The following ROCK2 variants were observed in gnomAD, a reference collection of about 807,000 sequenced individuals.
The protein encoded by ROCK2 is Rho associated coiled-coil containing protein kinase 2.
A neutral mutation model predicts 195.1 loss-of-function variants in ROCK2; 61 were observed. That is an observed-to-expected ratio of 0.31 (90% CI 0.25 to 0.39). ROCK2 has a LOEUF of 0.39. ROCK2 is among the 10% of genes least tolerant of loss of function. The pLI, the probability that ROCK2 is intolerant of heterozygous loss-of-function variation, is 1.00. For missense variants in ROCK2, 1,109 were observed against 1,637.4 expected, an observed-to-expected ratio of 0.68 and a Z score of 5.57; for synonymous variants, 504 against 545.5, an observed-to-expected ratio of 0.92 and a Z score of 1.06.
chr2:11,266,095 C>G (rs899720037), intron 3 of ROCK2, among the ~76,000 whole-genome samples: 41 of 152,308 alleles, frequency 2.7e-4, no homozygotes, highest in African/African-American at 9.9e-4. Flanking sequence ...TGTCTTCCAC[C>G]TCTACATCTT....
intron 27 of ROCK2, among the ~76,000 whole-genome samples, chr2:11,195,539 G>A (rs1663600714): frequency 6.6e-6 from 1 of 151,866 alleles, no homozygotes; most frequent in South Asian, 2.1e-4. Context: ...TTTTGAGATG[G>A]AGTCTTGCTC....
At chr2:11,296,480 C>A (rs112790105) in intron 1 of ROCK2, among the ~76,000 whole-genome samples, 1,723 of 152,162 alleles carry the variant, frequency 0.011, 26 homozygotes, top group East Asian at 0.053. Context: ...CCCCTAAGAA[C>A]CTAAATATAG....
In ROCK2 at chr2:11,182,011, A is replaced by AAAAAACAAAAAC. The variant is rs150901608; in HGVS notation, c.*1414_*1425dup. ...CTGTTAAAAGACTTCATAATATAAA[A>AAAAAACAAAAAC]AAAAACAAAAACAAAAAAAAAACTT... On this transcript the variant is annotated 3_prime_UTR_variant, in exon 33 of 33. Coordinates refer to ENST00000315872, the MANE Select transcript of ROCK2 (RefSeq NM_004850.5). The AAAAAACAAAAAC allele has an allele frequency of 6.7e-6, 1 of 150,164 alleles. No individual in the cohort carries two copies. The highest frequency in any genetic ancestry group is 1.5e-5 in the Non-Finnish European group (1 of 67,386). 9.3% of individuals were successfully genotyped at this position (150,164 alleles called of 1,614,324 possible). A position where few individuals can be genotyped will look rare whatever the true frequency, so the allele number is the denominator to read the frequency against.
chr2:11,225,987 G>A (rs1026069449), intron 6 of ROCK2, among the ~76,000 whole-genome samples: 3 of 152,122 alleles, frequency 2.0e-5, no homozygotes, highest in African/African-American at 4.8e-5. Flanking sequence ...GCAATTTACC[G>A]AAAATTTCTG....
intron 20 of ROCK2, among the ~76,000 whole-genome samples, chr2:11,203,114 A>G (rs72785483): frequency 0.042 from 6,471 of 152,284 alleles, 278 homozygotes; most frequent in Non-Finnish European, 0.06. Context: ...TTAATCTTCA[A>G]TAAAGGAATA....
chr2:11,208,407 C>T lies in ROCK2; in HGVS notation c.2244G>A (p.Gln748=), dbSNP rs1664130869. The T allele has an allele frequency of 4.5e-6, 7 of 1,545,990 alleles. No homozygotes were observed. Among genetic ancestry groups the T allele is most frequent in the Non-Finnish European group, 6.2e-6 (7 of 1,137,792 alleles). Residue 748 remains glutamine (Q), a synonymous_variant, in exon 19 of 33, where the codon CAG becomes CAA. Transcript: ENST00000315872. Reference sequence around the variant, plus strand: ...CTTCTAGCAATAGGTTCTCCACTTTCTGTTTTAAAGTTCTTTCCTCCAAGA... The same window carrying T: ...CTTCTAGCAATAGGTTCTCCACTTTTTGTTTTAAAGTTCTTTCCTCCAAGA... The part of the protein sequence containing the change: ...KKLLEERTLK[Q]KVENLLLEAE...
intron 1 of ROCK2, among the ~76,000 whole-genome samples, chr2:11,334,435 CG>C (rs1481233158): frequency 6.9e-6 from 1 of 145,058 alleles, no homozygotes; most frequent in Admixed American, 7.5e-5. Flanking sequence ...CCCTTGAACC[CG>C]GGAGGCAGAG....
chr2:11,335,058 T>C (rs1668882120), intron 1 of ROCK2, among the ~76,000 whole-genome samples: 2 of 151,304 alleles, frequency 1.3e-5, no homozygotes, highest in Non-Finnish European at 1.5e-5. Context: ...TTCCCCAAAA[T>C]ATTATTGACA....
chr2:11,302,155 G>A (rs1667726657), intron 1 of ROCK2, among the ~76,000 whole-genome samples: 2 of 152,158 alleles, frequency 1.3e-5, no homozygotes, highest in South Asian at 4.1e-4. Flanking sequence ...TATGGTTTCA[G>A]ATTCACATTA....
intron 5 of ROCK2, among the ~76,000 whole-genome samples, chr2:11,233,671 C>A (rs535829393): frequency 6.6e-6 from 1 of 152,104 alleles, no homozygotes; most frequent in Non-Finnish European, 1.5e-5. Context: ...AAGCAATGAA[C>A]TAACTGACAT....
At chr2:11,295,889 G>A (rs1191802215) in intron 1 of ROCK2, among the ~76,000 whole-genome samples, 4 of 151,604 alleles carry the variant, frequency 2.6e-5, no homozygotes, top group Admixed American at 1.3e-4. Context: ...CCCAAGAGGC[G>A]GAGCTTGCAG....
intron 11 of ROCK2, 86 bp from the exon 12 acceptor site, chr2:11,217,255 T>C: frequency 1.3e-6 from 1 of 764,812 alleles, no homozygotes; most frequent in South Asian, 1.4e-5. Context: ...AAGCTTATTT[T>C]GTCTTTCCAC....
chr2:11,252,918 A>G (rs1404953804), intron 3 of ROCK2, among the ~76,000 whole-genome samples: 1 of 150,268 alleles, frequency 6.7e-6, no homozygotes, highest in African/African-American at 2.4e-5. Flanking sequence ...CGTTCCGTGC[A>G]TGTATCCCAG....
chr2:11,317,598 ATATATATATATATAT>A (rs1174955093), intron 1 of ROCK2, among the ~76,000 whole-genome samples: 7 of 15,772 alleles, frequency 4.4e-4, no homozygotes, highest in African/African-American at 1.2e-3. Context: ...ATATATATAT[ATATATATATATATAT>A]TTTTTTTTTT....
Position 11,268,488 on chromosome 2 carries a change from T to TTGTGTGTGTG in ROCK2, c.324+18041_324+18050dup, listed in dbSNP as rs60063109. Reference sequence around the variant, plus strand: ...TTACTGTGTGTGTGTGTTTTTTTCCTTGTGTGTGTGTGTGTGTATTTAACA... The same window carrying TTGTGTGTGTG: ...TTACTGTGTGTGTGTGTTTTTTTCCTTGTGTGTGTGTGTGTGTGTGTGTGTGTATTTAACA... On this transcript the variant is annotated intron_variant, in intron 3 of 32. Transcript: ENST00000315872. 9.3e-3 allele frequency among the ~76,000 whole-genome samples: 1,394 copies of TTGTGTGTGTG among 149,730 alleles called. 17 individuals carry two copies. The highest frequency in any genetic ancestry group is 0.03 in the African/African-American group (1,233 of 40,536).
In ROCK2 at chr2:11,249,776, T is replaced by G. The variant is rs774529136; in HGVS notation, c.347A>C (p.Lys116Thr). ...VQLVRHKASQ[K>T]VYAMKLLSKF... ...ACTAAGAAGCTTCATAGCATAAACC[T>G]TCTGCGATGCCTTGTGACGAACCTG... The change falls in exon 4 of 33, where the codon AAG becomes ACG. Residue 116 changes from lysine to threonine, a missense_variant. This residue lies in a region of ROCK2 where 253 missense variants were observed against 455.5 expected (regional missense o/e 0.56). Coordinates refer to ENST00000315872, the MANE Select transcript of ROCK2 (RefSeq NM_004850.5). 2 of 1,550,294 alleles carry G rather than the reference T, an allele frequency of 1.3e-6. No homozygotes were observed. Among genetic ancestry groups the G allele is most frequent in the Non-Finnish European group, 1.7e-6 (2 of 1,155,540 alleles).
chr2:11,254,222 G>A (rs114887242), intron 3 of ROCK2, among the ~76,000 whole-genome samples: 3,475 of 152,224 alleles, frequency 0.023, 51 homozygotes, highest in Non-Finnish European at 0.034. Flanking sequence ...ACCGTATTCA[G>A]GTTTCGTAAA....
At chr2:11,238,505 G>C (rs1049220511) in intron 4 of ROCK2, among the ~76,000 whole-genome samples, 11 of 152,070 alleles carry the variant, frequency 7.2e-5, no homozygotes, top group African/African-American at 2.7e-4. Flanking sequence ...AACAAAGCAG[G>C]AGGACTTACA....
At chr2:11,311,409 A>G (rs1227882734) in intron 1 of ROCK2, among the ~76,000 whole-genome samples, 1 of 152,202 alleles carries the variant, frequency 6.6e-6, no homozygotes, top group African/African-American at 2.4e-5. Context: ...AGCTTCTAGC[A>G]TTCTTGCAGA....
Sources: gnomAD v4.1 joint callset for allele counts (sites outside exome capture counted in the v4.1 genomes callset) on GRCh38, gnomAD v4.1.1 for gene constraint, gnomAD v4.1.1 regional missense constraint, MANE v1.5 for transcripts, NCBI Gene and HGNC (gene_info 2026-07-23, HGNC 2026-07-21) for gene names.